Variants in PTHLH observed in about 807,000 individuals in gnomAD.
PTHLH encodes the protein parathyroid hormone-related protein.
Under a neutral mutation model 18.6 loss-of-function variants are expected in PTHLH, and 5 were observed. The observed-to-expected ratio is 0.27, with a 90% CI of 0.14 to 0.56. The LOEUF (loss-of-function observed/expected upper bound fraction) is 0.56. PTHLH is among the 20% of genes least tolerant of loss of function. The probability of loss-of-function intolerance (pLI) is 0.92; values close to 1 mark genes in which losing one functional copy is unlikely to be tolerated. For missense variants in PTHLH, 207 were observed against 223.9 expected (o/e 0.92, Z 0.48); for synonymous variants, 90 against 94.0 (o/e 0.96, Z 0.25).
chr12:27,966,169 C>G (rs942127400), intron 4 of PTHLH, among the ~76,000 whole-genome samples: 1 of 152,214 alleles, frequency 6.6e-6, no homozygotes, highest in Non-Finnish European at 1.5e-5. Flanking sequence ...CTTCCTAACT[C>G]AAGCTGCATT....
At chr12:27,969,781 A>C in intron 3 of PTHLH, 1 of 651,976 alleles carries the variant, frequency 1.5e-6, no homozygotes. Flanking sequence ...CTTCCTCTGA[A>C]ATAATAGCGA....
chr12:27,962,142 G>T, intron 5 of PTHLH: 1 of 508,796 alleles, frequency 2.0e-6, no homozygotes, highest in Non-Finnish European at 3.4e-6. Flanking sequence ...GGACTACTCA[G>T]GTCTTTTAGC....
chr12:27,964,234 TTCTCTC>T (rs60461766), intron 4 of PTHLH, among the ~76,000 whole-genome samples: 147 of 144,666 alleles, frequency 1.0e-3, no homozygotes, highest in African/African-American at 3.1e-3. Context: ...TACCTGAGTA[TTCTCTC>T]TCTCTCTCTC....
At chr12:27,963,078 G>A in intron 5 of PTHLH, 1 of 1,357,916 alleles carries the variant, frequency 7.4e-7, no homozygotes, top group Non-Finnish European at 9.5e-7. Flanking sequence ...ATTTGGTAGA[G>A]TGGTAAAGGA....
intron 3 of PTHLH, 158 bp from the exon 4 acceptor site, chr12:27,969,674 CACTT>C (rs1249503014): frequency 1.9e-5 from 15 of 779,042 alleles, no homozygotes; most frequent in Non-Finnish European, 3.0e-5. Context: ...AGCCTCTCAG[CACTT>C]ACTTATTTAG....
chr12:27,962,235 G>GATAA (rs1326413852), intron 5 of PTHLH: 2 of 281,780 alleles, frequency 7.1e-6, no homozygotes, highest in African/African-American at 4.7e-5. Flanking sequence ...TACCCCCCTA[G>GATAA]ATAGATAGAT....
chr12:27,965,837 T>C (rs2062807967), intron 4 of PTHLH, among the ~76,000 whole-genome samples: 1 of 152,212 alleles, frequency 6.6e-6, no homozygotes, highest in African/African-American at 2.4e-5. Context: ...TATAAAATAA[T>C]AGGACAGATA....
At position 27,970,558 on chromosome 12, in the gene PTHLH, T is replaced by TGGGCGC. The variant is rs1235495060; in HGVS notation, c.-265-297_-265-292dup. On this transcript the variant is annotated intron_variant, in intron 2 of 5. Transcript: ENST00000545234. ...TCGCGCCATCCCCGTGCCGGGGGCG[T>TGGGCGC]GGGCGCATCCGCTTGCTCCCTCCAG... 2.6e-5 allele frequency among the ~76,000 whole-genome samples: 4 copies of TGGGCGC among 151,698 alleles called. No homozygotes were observed. The South Asian group carries it at 8.3e-4, about 31-fold the overall frequency.
chr12:27,967,095 TG>T (rs1308757919), intron 4 of PTHLH, among the ~76,000 whole-genome samples: 2 of 152,260 alleles, frequency 1.3e-5, no homozygotes, highest in Non-Finnish European at 2.9e-5. Context: ...AGACCCAGTC[TG>T]GCTCCTAAGC....
At chr12:27,961,020 A>T (rs189063284) in intron 5 of PTHLH, among the ~76,000 whole-genome samples, 98 of 152,022 alleles carry the variant, frequency 6.4e-4, no homozygotes, top group African/African-American at 2.2e-3. Flanking sequence ...GCTGCCAAAC[A>T]GTTCTTTCCA....
intron 4 of PTHLH, among the ~76,000 whole-genome samples, chr12:27,968,749 A>C (rs543389628): frequency 3.3e-5 from 5 of 152,198 alleles, no homozygotes; most frequent in Admixed American, 6.5e-5. Flanking sequence ...TGTTAGCAAT[A>C]ACTCCAAGAA....
At chr12:27,971,033 G>T (rs542339264) in intron 2 of PTHLH, among the ~76,000 whole-genome samples, 77 of 152,168 alleles carry the variant, frequency 5.1e-4, no homozygotes, top group South Asian at 8.3e-4. Context: ...GCACAGGAGA[G>T]ATCCCCCTTT....
Position 27,970,136 on chromosome 12 carries a change from G to T in PTHLH, c.-134C>A. On this transcript the variant is annotated 5_prime_UTR_variant, in exon 3 of 6. Coordinates refer to ENST00000545234, the MANE Select transcript of PTHLH (RefSeq NM_198965.2). The stretch of plus-strand genomic sequence containing the variant: ...GGCCAGGTGGCGGCGAGGGCGGGTC[G>T]TTAGTGGCAGCCGGAGCGGCAGGGA... The T allele has an allele frequency of 1.9e-6, 1 of 518,522 alleles. No homozygotes were observed. The highest frequency in any genetic ancestry group is 5.4e-5 in the East Asian group (1 of 18,350). 32.1% of individuals were successfully genotyped at this position (518,522 alleles called of 1,614,324 possible).
Position 27,963,638 on chromosome 12 carries a change from C to T in PTHLH, c.234G>A (p.Val78=). 6.2e-7 allele frequency: 1 copy of T among 1,614,070 alleles called. No homozygotes were observed. The highest frequency in any genetic ancestry group is 8.5e-7 in the Non-Finnish European group (1 of 1,180,020). The change falls in exon 5 of 6, where the codon GTG becomes GTA. Residue 78 remains valine, a synonymous_variant. Coordinates refer to ENST00000545234, the MANE Select transcript of PTHLH (RefSeq NM_198965.2). ...TGGGAGAGGGCTTGGAGTTAGGGGA[C>T]ACCTCCGAGGTAGCTCTGATTTCAG... is the stretch of plus-strand genomic sequence containing the variant. ...HTAEIRATSE[V]SPNSKPSPNT...
rs945203893 is a variant in PTHLH, at chr12:27,969,236, C to T, written c.101+158G>A. ...CCAGTTCTCCTGCCAGGTTTGAGGA[C>T]CCGGGCTCAGGCCCCGGCAGGTATC... On this transcript the variant is annotated intron_variant, in intron 4 of 5. Transcript: ENST00000545234. 8.9e-6 allele frequency: 6 copies of T among 676,262 alleles called. No individual in the cohort carries two copies. In the Admixed American group the frequency reaches 1.1e-4, roughly 12 times the overall value. 41.9% of individuals were successfully genotyped at this position (676,262 alleles called of 1,614,324 possible).
Position 27,969,379 on chromosome 12 carries a change from G to A in PTHLH, c.101+15C>T, listed in dbSNP as rs1241264521. The A allele has an allele frequency of 6.4e-7, 1 of 1,564,060 alleles. No homozygotes were observed. Among genetic ancestry groups the A allele is most frequent in the African/African-American group, 1.4e-5 (1 of 73,782 alleles). On this transcript the variant is annotated intron_variant, in intron 4 of 5. Transcript: ENST00000545234. ...CCTCCCCAACCCGGCGCCCTGGGGA[G>A]GATGGGGCACTTACAGGCGGCGGCT... is the stretch of plus-strand genomic sequence containing the variant.
Position 27,958,548 on chromosome 12 carries a change from T to A in PTHLH, c.*11A>T. 4.4e-6 allele frequency: 7 copies of A among 1,574,564 alleles called. No homozygotes were observed. The highest frequency in any genetic ancestry group is 6.0e-6 in the Non-Finnish European group (7 of 1,157,888). ...CTGCAATATGTCCTTGGAAGGTCTCTGCTGAAAATTTCAATGCCTCCTGCA... is the reference window on the plus strand; with the variant it reads ...CTGCAATATGTCCTTGGAAGGTCTCAGCTGAAAATTTCAATGCCTCCTGCA... On this transcript the variant is annotated 3_prime_UTR_variant, in exon 6 of 6. Coordinates refer to ENST00000545234, the MANE Select transcript of PTHLH (RefSeq NM_198965.2).
At chr12:27,970,497 A>C (rs2062861520) in intron 2 of PTHLH, 1 of 151,448 alleles carries the variant, frequency 6.6e-6, no homozygotes, top group African/African-American at 2.4e-5. Flanking sequence ...AGCTGTCAGG[A>C]GCTCTGCCGA....
chr12:27,960,204 T>C (rs2062742099), intron 5 of PTHLH, among the ~76,000 whole-genome samples: 1 of 152,244 alleles, frequency 6.6e-6, no homozygotes, highest in Admixed American at 6.5e-5. Flanking sequence ...CATTTTACAG[T>C]CCTAGCTCTT....
Sources: gnomAD v4.1 joint callset for allele counts (sites outside exome capture counted in the v4.1 genomes callset) on GRCh38, gnomAD v4.1.1 for gene constraint, MANE v1.5 for transcripts, NCBI Gene and HGNC (gene_info 2026-07-23, HGNC 2026-07-21) for gene names.